ANTXR1: variants seen among roughly 807,000 people sequenced by gnomAD.
ANTXR1 encodes anthrax toxin receptor 1.
A neutral mutation model predicts 78.1 loss-of-function variants in ANTXR1; 19 were observed. The observed-to-expected ratio is 0.24, with a 90% CI of 0.17 to 0.36. ANTXR1 has a LOEUF of 0.36. ANTXR1 is among the 10% of genes least tolerant of loss of function. ANTXR1 has a pLI of 1.00. For synonymous variants in ANTXR1, 273 were observed against 260.5 expected (o/e 1.05, Z -0.46); for missense variants, 518 against 718.6 (o/e 0.72, Z 3.19).
intron 12 of ANTXR1, 55 bp downstream of exon 12, chr2:69,124,698 C>T (rs368767661): frequency 4.0e-5 from 63 of 1,585,484 alleles, no homozygotes; most frequent in Middle Eastern, 1.7e-4. Flanking sequence ...TCACTATCAA[C>T]GTTTCTTAAG....
Position 69,245,372 on chromosome 2 carries a change from G to T in ANTXR1, c.1582G>T (p.Ala528Ser). 1 of 585,012 alleles carries T rather than the reference G, an allele frequency of 1.7e-6. No individual in the cohort carries two copies. The highest frequency in any genetic ancestry group is 1.8e-5 in the South Asian group (1 of 55,288). The allele number at this position is 585,012 out of a possible 1,614,324, so 36.2% of individuals were successfully genotyped here. The change falls in exon 18 of 18, where the codon GCC (alanine) becomes TCC (serine). Residue 528 changes from alanine (A) to serine (S), a missense_variant. By Grantham distance (99) the Ala-to-Ser change is moderately conservative. Transcript: ENST00000303714. ...APHCPPPPPS[A>S]PTPPIPSPPS... is the part of the protein sequence containing the mutation. Reference sequence around the variant, plus strand: ...CCACTGCCCTCCCCCGCCCCCCAGCGCCCCTACCCCTCCCATCCCGTCCCC... The same window carrying T: ...CCACTGCCCTCCCCCGCCCCCCAGCTCCCCTACCCCTCCCATCCCGTCCCC...
At chr2:69,225,937 T>C (rs1014228012) in intron 17 of ANTXR1, among the ~76,000 whole-genome samples, 5 of 152,200 alleles carry the variant, frequency 3.3e-5, no homozygotes, top group African/African-American at 1.2e-4. Flanking sequence ...ACAAGGAGTA[T>C]TGCTGTTACT....
chr2:69,143,053 A>C (rs1673114819), intron 12 of ANTXR1, among the ~76,000 whole-genome samples: 1 of 152,246 alleles, frequency 6.6e-6, no homozygotes, highest in African/African-American at 2.4e-5. Context: ...TGGGCAATGA[A>C]GAGCTATTAA....
intron 3 of ANTXR1, among the ~76,000 whole-genome samples, chr2:69,052,505 G>T (rs2104123280): frequency 6.6e-6 from 1 of 152,002 alleles, no homozygotes; most frequent in East Asian, 1.9e-4. Flanking sequence ...TTCTATGTGG[G>T]TAGCCTGTTT....
intron 3 of ANTXR1, 22 bp downstream of exon 3, chr2:69,044,835 G>A (rs769490207): frequency 6.2e-7 from 1 of 1,611,844 alleles, no homozygotes; most frequent in South Asian, 1.1e-5. Context: ...TCTTATCTCT[G>A]TTGTTAAAAA....
chr2:69,201,428 G>C (rs188507619), intron 17 of ANTXR1, among the ~76,000 whole-genome samples: 1 of 152,302 alleles, frequency 6.6e-6, no homozygotes, highest in Non-Finnish European at 1.5e-5. Context: ...AGAGGAACCT[G>C]AGTTGCCGGC....
intron 17 of ANTXR1, 33 bp from the exon 18 acceptor site, chr2:69,245,192 G>A (rs182053049): frequency 7.3e-5 from 118 of 1,613,578 alleles, no homozygotes; most frequent in Non-Finnish European, 8.3e-5. Context: ...GAGGCCGTCC[G>A]CTCACGTTTC....
At chr2:69,127,985 A>G (rs909037687) in intron 12 of ANTXR1, among the ~76,000 whole-genome samples, 15 of 152,138 alleles carry the variant, frequency 9.9e-5, no homozygotes, top group African/African-American at 3.6e-4. Flanking sequence ...CCAACACTTT[A>G]GGAGACATAG....
chr2:69,235,692 GAT>G (rs1223701148), intron 17 of ANTXR1, among the ~76,000 whole-genome samples: 1 of 128,038 alleles, frequency 7.8e-6, no homozygotes, highest in East Asian at 3.9e-4. Flanking sequence ...TCTATGGATT[GAT>G]ATAATTGGCT....
At chr2:69,149,822 G>T (rs376799491) in intron 12 of ANTXR1, among the ~76,000 whole-genome samples, 119 of 152,266 alleles carry the variant, frequency 7.8e-4, no homozygotes, top group African/African-American at 2.6e-3. Flanking sequence ...AGATTAAGAG[G>T]GTTGTCCTTG....
At chr2:69,060,888 A>G (rs59072336) in intron 3 of ANTXR1, among the ~76,000 whole-genome samples, 8,929 of 152,296 alleles carry the variant, frequency 0.059, 302 homozygotes, top group Admixed American at 0.11. Context: ...TTTCTTTCAA[A>G]AAACCAACCC....
At chr2:69,038,820 T>C (rs1188543084) in intron 1 of ANTXR1, among the ~76,000 whole-genome samples, 2 of 152,208 alleles carry the variant, frequency 1.3e-5, no homozygotes, top group African/African-American at 2.4e-5. Context: ...GTCAGACAGA[T>C]ATATCATTTC....
Position 69,246,851 on chromosome 2 carries a change from A to G in ANTXR1, c.*1366A>G, listed in dbSNP as rs1676033526. ...GACCTCCTGCATCAGCCTATTCAAA[A>G]TTATCTCTCTCTCTAGCTTTCCACA... On this transcript the variant is annotated 3_prime_UTR_variant, in exon 18 of 18. Coordinates refer to ENST00000303714, the MANE Select transcript of ANTXR1 (RefSeq NM_032208.3). 1 of 152,172 alleles carries G rather than the reference A, an allele frequency of 6.6e-6. No individual in the cohort carries two copies. 9.4% of individuals were successfully genotyped at this position (152,172 alleles called of 1,614,324 possible).
chr2:69,117,029 G>T (rs1234900519), intron 10 of ANTXR1, among the ~76,000 whole-genome samples: 1 of 152,206 alleles, frequency 6.6e-6, no homozygotes, highest in South Asian at 2.1e-4. Flanking sequence ...ACTTATGAGT[G>T]TATGGTTCCA....
chr2:69,085,194 T>A (rs558064049), intron 8 of ANTXR1, among the ~76,000 whole-genome samples: 2 of 152,156 alleles, frequency 1.3e-5, no homozygotes, highest in Admixed American at 1.3e-4. Context: ...CTTTCTGCCA[T>A]CAGCTGTAAT....
In ANTXR1 at chr2:69,218,164, G is replaced by A. The variant is rs545824621; in HGVS notation, c.1434+24749G>A. ...AAGGTTCTAACAGTTCATTCTCCTG[G>A]CCCTCGTGTGAAAACTGCAGAAAAG... On this transcript the variant is annotated intron_variant, in intron 17 of 17. Transcript: ENST00000303714. 5.4e-4 allele frequency among the ~76,000 whole-genome samples: 82 copies of A among 152,230 alleles called. 1 individual carries two copies. In the South Asian group the frequency reaches 9.5e-3, roughly 18 times the overall value.
At chr2:69,234,270 G>A (rs148982367) in intron 17 of ANTXR1, among the ~76,000 whole-genome samples, 33 of 152,294 alleles carry the variant, frequency 2.2e-4, no homozygotes, top group African/African-American at 7.7e-4. Flanking sequence ...ACAAATGAAA[G>A]AACAAGTGAG....
intron 17 of ANTXR1, among the ~76,000 whole-genome samples, chr2:69,218,362 AAG>A (rs1463635127): frequency 6.6e-6 from 1 of 152,062 alleles, no homozygotes; most frequent in African/African-American, 2.4e-5. Flanking sequence ...TCTGGAAAAA[AAG>A]GGGGGGATGG....
chr2:69,013,740 G>A lies in ANTXR1; in HGVS notation c.152+89G>A. On this transcript the variant is annotated intron_variant, in intron 1 of 17. Coordinates refer to ENST00000303714, the MANE Select transcript of ANTXR1 (RefSeq NM_032208.3). The surrounding 1 kb of genome is among the most constrained non-coding windows in gnomAD (Gnocchi z 5.0). The stretch of plus-strand genomic sequence containing the variant: ...CCGGGCTCGTTGGCAGGGTCGCCTG[G>A]GGACAGGAGCGCATCTCCAGGGCCA... 1 of 1,546,978 alleles carries A rather than the reference G, an allele frequency of 6.5e-7. No individual in the cohort carries two copies. The highest frequency in any genetic ancestry group is 8.7e-7 in the Non-Finnish European group (1 of 1,143,888).
Sources: allele counts gnomAD v4.1 joint callset (sites outside exome capture counted in the v4.1 genomes callset), GRCh38; gene constraint gnomAD v4.1.1; non-coding constraint Gnocchi (gnomAD v3.1); transcripts MANE v1.5; gene names NCBI Gene and HGNC (gene_info 2026-07-23, HGNC 2026-07-21).